APP: variants seen among roughly 807,000 people sequenced by gnomAD.
The protein encoded by APP is amyloid-beta precursor protein.
A neutral mutation model predicts 101.4 loss-of-function variants in APP; 31 were observed. The ratio of observed to expected loss-of-function variants is 0.31; its 90% CI spans 0.23 to 0.41. The LOEUF is 0.41. APP is among the 10% of genes least tolerant of loss of function. The probability of loss-of-function intolerance (pLI) is 1.00; values close to 1 mark genes in which losing one functional copy is unlikely to be tolerated. For synonymous variants in APP, 366 were observed against 364.4 expected (o/e 1.00, Z -0.05); for missense variants, 839 against 1,003.7 (o/e 0.84, Z 2.22).
intron 8 of APP, among the ~76,000 whole-genome samples, chr21:25,987,350 C>T (rs117650267): frequency 0.015 from 2,317 of 152,276 alleles, 32 homozygotes; most frequent in Middle Eastern, 0.024. Flanking sequence ...AGACTTAAAA[C>T]GAGACAAAAC....
chr21:26,120,074 G>A (rs180880482), intron 1 of APP, among the ~76,000 whole-genome samples: 26 of 152,196 alleles, frequency 1.7e-4, no homozygotes, highest in Middle Eastern at 3.4e-3. Context: ...AAGCTAAGCC[G>A]GGATCAGCTG....
chr21:26,031,701 T>TC (rs35083366), intron 5 of APP, among the ~76,000 whole-genome samples: 152,257 of 152,282 alleles, frequency 1, 76,116 homozygotes, highest in Middle Eastern at 1. Context: ...ATCAATTACC[T>TC]CCCCTGGGTC....
Position 25,945,239 on chromosome 21 carries a change from C to CTAAA in APP, c.1687+9350_1687+9351insTTTA, listed in dbSNP as rs540419626. On this transcript the variant is annotated intron_variant, in intron 13 of 17. Transcript: ENST00000346798. ...CAGTTCTCTTGCTACTTCTAAAATACTAACGTTCCTGAATGGGGCTCAAGG... is the reference window on the plus strand; with the variant it reads ...CAGTTCTCTTGCTACTTCTAAAATACTAAATAACGTTCCTGAATGGGGCTCAAGG... 1.5e-4 allele frequency among the ~76,000 whole-genome samples: 23 copies of CTAAA among 152,262 alleles called. No homozygotes were observed. The South Asian group carries it at 4.8e-3, about 32-fold the overall frequency.
intron 15 of APP, among the ~76,000 whole-genome samples, chr21:25,901,528 T>C (rs923352823): frequency 6.6e-6 from 1 of 152,280 alleles, no homozygotes; most frequent in African/African-American, 2.4e-5. Flanking sequence ...TGAATAGTCA[T>C]CTAGGGAAGA....
chr21:25,886,892 G>T (rs575874697), intron 17 of APP, among the ~76,000 whole-genome samples: 11 of 152,280 alleles, frequency 7.2e-5, no homozygotes, highest in African/African-American at 2.6e-4. Flanking sequence ...TGGCCGGGAA[G>T]AAAGGACCTC....
At chr21:25,910,659 C>T (rs2039025130) in intron 14 of APP, among the ~76,000 whole-genome samples, 1 of 152,142 alleles carries the variant, frequency 6.6e-6, no homozygotes, top group South Asian at 2.1e-4. Context: ...AAAAGGATGC[C>T]ATCTACTGCT....
chr21:25,880,814 TTTAA>T lies in APP; in HGVS notation c.*852_*855del, dbSNP rs2036938055. 1.3e-5 allele frequency: 2 copies of T among 152,618 alleles called. No individual in the cohort carries two copies. Among genetic ancestry groups the T allele is most frequent in the South Asian group, 4.1e-4 (2 of 4,834 alleles). The allele number at this position is 152,618 out of a possible 1,614,324, so 9.5% of individuals were successfully genotyped here. On this transcript the variant is annotated 3_prime_UTR_variant, in exon 18 of 18. Coordinates refer to ENST00000346798, the MANE Select transcript of APP (RefSeq NM_000484.4). Reference sequence around the variant, plus strand: ...AAAAGTCTTGCCCGGGGTTATTTTATTTAATTTATTTATGTAATACAGTGTAGAA... The same window carrying T: ...AAAAGTCTTGCCCGGGGTTATTTTATTTTATTTATGTAATACAGTGTAGAA...
intron 13 of APP, chr21:25,943,044 T>G (rs2040643559): frequency 6.6e-6 from 1 of 152,176 alleles, no homozygotes; most frequent in Non-Finnish European, 1.5e-5. Context: ...GTAAGTAAAG[T>G]TCCATATAAA....
intron 1 of APP, among the ~76,000 whole-genome samples, chr21:26,149,373 C>T (rs2063216285): frequency 6.6e-6 from 1 of 152,212 alleles, no homozygotes; most frequent in African/African-American, 2.4e-5. Flanking sequence ...AAGCACTTTT[C>T]AACAAGGCCT....
At chr21:26,004,810 C>A (rs1457238977) in intron 6 of APP, among the ~76,000 whole-genome samples, 1 of 147,332 alleles carries the variant, frequency 6.8e-6, no homozygotes, top group African/African-American at 2.5e-5. Context: ...CAACCCCCCA[C>A]CCCCCCAACA....
chr21:26,015,184 T>C (rs568773422), intron 6 of APP, among the ~76,000 whole-genome samples: 2 of 152,360 alleles, frequency 1.3e-5, no homozygotes, highest in African/African-American at 2.4e-5. Flanking sequence ...AGTCAACTTA[T>C]TGGTTTACCT....
intron 1 of APP, among the ~76,000 whole-genome samples, chr21:26,117,041 G>A (rs915040020): frequency 2.6e-5 from 4 of 151,994 alleles, no homozygotes; most frequent in South Asian, 2.1e-4. Flanking sequence ...GTGCCACCAC[G>A]CCCAGATAAT....
intron 11 of APP, among the ~76,000 whole-genome samples, chr21:25,973,875 A>C (rs956421070): frequency 6.7e-6 from 1 of 148,932 alleles, no homozygotes; most frequent in Admixed American, 6.8e-5. Context: ...AGGAGACAGA[A>C]GTTGCAGTGA....
At chr21:26,104,341 C>T (rs1484683910) in intron 2 of APP, among the ~76,000 whole-genome samples, 1 of 151,740 alleles carries the variant, frequency 6.6e-6, no homozygotes, top group African/African-American at 2.4e-5. Flanking sequence ...TCAAATGGTG[C>T]TAACACAAAA....
chr21:25,997,357 T>G lies in APP; in HGVS notation c.1090+3A>C. The G allele has an allele frequency of 6.2e-7, 1 of 1,613,596 alleles. No individual in the cohort carries two copies. The highest frequency in any genetic ancestry group is 1.1e-5 in the South Asian group (1 of 91,066). On this transcript the variant is annotated splice_donor_region_variant and intron_variant, in intron 8 of 17. Coordinates refer to ENST00000346798, the MANE Select transcript of APP (RefSeq NM_000484.4). ...CCCTTCCCTCAGGTGAATGACAACGTACGTTTAACAGGATCTCGGGCAAGA... is the reference window on the plus strand; with the variant it reads ...CCCTTCCCTCAGGTGAATGACAACGGACGTTTAACAGGATCTCGGGCAAGA...
chr21:25,976,156 A>G, intron 9 of APP, 128 bp from the exon 10 acceptor site: 2 of 698,826 alleles, frequency 2.9e-6, no homozygotes, highest in South Asian at 3.2e-5. Context: ...TTTATTACAT[A>G]CCCCTTCCTA....
intron 1 of APP, among the ~76,000 whole-genome samples, chr21:26,145,309 T>C (rs909742673): frequency 2.6e-5 from 4 of 152,208 alleles, no homozygotes; most frequent in Non-Finnish European, 4.4e-5. Flanking sequence ...GGGGGTGGGA[T>C]GGCATGAGAC....
chr21:26,021,896 G>T lies in APP; in HGVS notation c.809C>A (p.Thr270Asn). 1 of 1,613,566 alleles carries T rather than the reference G, an allele frequency of 6.2e-7. No individual in the cohort carries two copies. The highest frequency in any genetic ancestry group is 8.5e-7 in the Non-Finnish European group (1 of 1,179,784). The stretch of plus-strand genomic sequence containing the variant: ...GGTGGTGGTGGTGGTGGCAATGCTG[G>T]TGGTTCTCTCTGTGGCTTCTTCGTA... ...EPYEEATERT[T>N]SIATTTTTTT... Residue 270 changes from threonine to asparagine, a missense_variant, in exon 6 of 18, where the codon ACC (threonine) becomes AAC (asparagine). Coordinates refer to ENST00000346798, the MANE Select transcript of APP (RefSeq NM_000484.4).
intron 17 of APP, among the ~76,000 whole-genome samples, chr21:25,889,102 G>A (rs2037526845): frequency 6.6e-6 from 1 of 152,162 alleles, no homozygotes; most frequent in Admixed American, 6.5e-5. Flanking sequence ...TCTGTTACGG[G>A]CTAAAACGTG....
Sources: allele counts gnomAD v4.1 joint callset (sites outside exome capture counted in the v4.1 genomes callset), GRCh38; gene constraint gnomAD v4.1.1; transcripts MANE v1.5; gene names NCBI Gene and HGNC (gene_info 2026-07-23, HGNC 2026-07-21).